EIF4G3: variants seen among roughly 807,000 people sequenced by gnomAD.
The protein encoded by EIF4G3 is eIF-4-gamma 3.
A neutral mutation model predicts 186.4 loss-of-function variants in EIF4G3; 34 were observed. The ratio of observed to expected loss-of-function variants is 0.18; its 90% CI spans 0.14 to 0.24. The LOEUF (loss-of-function observed/expected upper bound fraction) is 0.24, where lower values mean the gene tolerates loss of function less well. Among genes scored for constraint, EIF4G3 ranks in the 10% least tolerant of loss-of-function variants. The pLI, the probability that EIF4G3 is intolerant of heterozygous loss-of-function variation, is 1.00. For synonymous variants in EIF4G3, 673 were observed against 679.5 expected (o/e 0.99, Z 0.15); for missense variants, 1,536 against 1,948.5 (o/e 0.79, Z 3.99).
intron 24 of EIF4G3, among the ~76,000 whole-genome samples, chr1:20,859,043 C>A (rs972129158): frequency 3.9e-5 from 6 of 152,146 alleles, no homozygotes; most frequent in Non-Finnish European, 7.4e-5. Context: ...GATCACCGAA[C>A]TGTCTATCCA....
intron 29 of EIF4G3, among the ~76,000 whole-genome samples, chr1:20,846,772 GC>G (rs1269112519): frequency 1.3e-5 from 2 of 152,202 alleles, no homozygotes; most frequent in African/African-American, 4.8e-5. Flanking sequence ...AGACAGAGGT[GC>G]ATTTGAACCC....
intron 2 of EIF4G3, among the ~76,000 whole-genome samples, chr1:21,109,927 G>A (rs577314625): frequency 1.3e-5 from 2 of 152,214 alleles, no homozygotes; most frequent in East Asian, 3.9e-4. Flanking sequence ...TGGGATTACA[G>A]GTGCATGCCA....
intron 2 of EIF4G3, among the ~76,000 whole-genome samples, chr1:21,170,406 C>T (rs1213679417): frequency 1.3e-5 from 2 of 152,144 alleles, no homozygotes; most frequent in African/African-American, 4.8e-5. Context: ...TGTGGTGGCT[C>T]ATGCCTGTAA....
At chr1:21,135,062 T>C (rs1312209488) in intron 2 of EIF4G3, among the ~76,000 whole-genome samples, 1 of 152,182 alleles carries the variant, frequency 6.6e-6, no homozygotes, top group Middle Eastern at 3.2e-3. Context: ...AAGAAATACG[T>C]CCCACCACAT....
intron 27 of EIF4G3, 92 bp from the exon 28 acceptor site, chr1:20,851,570 G>T: frequency 8.0e-7 from 1 of 1,246,382 alleles, no homozygotes; most frequent in Non-Finnish European, 1.1e-6. Context: ...CTTTCTGAAA[G>T]TATACAGAAT....
At chr1:21,020,572 T>C (rs149405350) in intron 4 of EIF4G3, among the ~76,000 whole-genome samples, 3 of 152,198 alleles carry the variant, frequency 2.0e-5, no homozygotes, top group African/African-American at 7.2e-5. Context: ...GGACCATGTA[T>C]AGCCAGCGCG....
At chr1:20,944,822 C>G (rs1213482616) in intron 13 of EIF4G3, among the ~76,000 whole-genome samples, 1 of 151,752 alleles carries the variant, frequency 6.6e-6, no homozygotes, top group African/African-American at 2.4e-5. Context: ...TCACTTGAGC[C>G]CAGGAGGTCT....
chr1:20,966,856 T>C (rs2074804342), intron 12 of EIF4G3, among the ~76,000 whole-genome samples: 1 of 152,162 alleles, frequency 6.6e-6, no homozygotes, highest in Non-Finnish European at 1.5e-5. Context: ...GAAAATGAAA[T>C]ATCTCTAGTA....
At chr1:20,880,022 TA>T (rs796748437) in intron 19 of EIF4G3, among the ~76,000 whole-genome samples, 44 of 139,582 alleles carry the variant, frequency 3.2e-4, no homozygotes, top group East Asian at 4.0e-4. Flanking sequence ...GTAAAAACTC[TA>T]AAAAAAAAAA....
intron 2 of EIF4G3, among the ~76,000 whole-genome samples, chr1:21,114,148 CT>C (rs760394574): frequency 2.0e-3 from 295 of 144,188 alleles, no homozygotes; most frequent in Admixed American, 3.8e-3. Context: ...GAAAGCTGTA[CT>C]TTTTTTTTTT....
chr1:21,072,852 T>G (rs2095483871), intron 3 of EIF4G3, among the ~76,000 whole-genome samples: 1 of 152,266 alleles, frequency 6.6e-6, no homozygotes, highest in African/African-American at 2.4e-5. Context: ...GAATACTTAC[T>G]GATGGTGGCA....
chr1:20,879,643 G>A (rs1179194409), intron 19 of EIF4G3, 123 bp from the exon 20 acceptor site: 2 of 545,010 alleles, frequency 3.7e-6, no homozygotes, highest in East Asian at 3.4e-5. Flanking sequence ...CAAGGACTGT[G>A]AACTAGTGAC....
chr1:20,941,191 C>G, intron 14 of EIF4G3: 1 of 1,486,626 alleles, frequency 6.7e-7, no homozygotes, highest in Non-Finnish European at 8.9e-7. Context: ...ATTGAGAAAC[C>G]AATTCATATG....
chr1:20,919,713 A>G (rs2094315470), intron 14 of EIF4G3, among the ~76,000 whole-genome samples: 2 of 152,200 alleles, frequency 1.3e-5, no homozygotes, highest in Admixed American at 6.5e-5. Flanking sequence ...TACAAAGCCT[A>G]TGATCTGGCA....
chr1:21,027,646 G>A (rs2092311852), intron 4 of EIF4G3, among the ~76,000 whole-genome samples: 3 of 151,960 alleles, frequency 2.0e-5, no homozygotes, highest in Non-Finnish European at 2.9e-5. Flanking sequence ...AAGGAAAAGT[G>A]TTGTAAAAGA....
At chr1:20,910,670 A>C (rs2093053697) in intron 14 of EIF4G3, among the ~76,000 whole-genome samples, 1 of 152,214 alleles carries the variant, frequency 6.6e-6, no homozygotes, top group African/African-American at 2.4e-5. Flanking sequence ...AAACTGGTCA[A>C]GTTTCACATC....
intron 2 of EIF4G3, among the ~76,000 whole-genome samples, chr1:21,147,340 T>C (rs181555340): frequency 6.6e-6 from 1 of 152,092 alleles, no homozygotes; most frequent in African/African-American, 2.4e-5. Context: ...GTTTGTTTTT[T>C]GTTTGTTTTT....
intron 4 of EIF4G3, among the ~76,000 whole-genome samples, chr1:21,006,329 C>T (rs570628771): frequency 1.3e-5 from 2 of 152,250 alleles, no homozygotes; most frequent in South Asian, 4.1e-4. Flanking sequence ...GCACAGAAAA[C>T]TAGGGACAGA....
At chr1:20,829,378 A>G in intron 30 of EIF4G3, 106 bp from the exon 31 acceptor site, 1 of 1,285,378 alleles carries the variant, frequency 7.8e-7, no homozygotes, top group Admixed American at 2.2e-5. Flanking sequence ...ATCACCTGCT[A>G]TGTTAGGTAC....
Sources: gnomAD v4.1 joint callset for allele counts (sites outside exome capture counted in the v4.1 genomes callset) on GRCh38, gnomAD v4.1.1 for gene constraint, MANE v1.5 for transcripts, NCBI Gene and HGNC (gene_info 2026-07-23, HGNC 2026-07-21) for gene names.